PNPLA7: variants seen among roughly 807,000 people sequenced by gnomAD.
The protein encoded by PNPLA7 is patatin-like phospholipase domain-containing protein 7.
Under a neutral mutation model 161.7 loss-of-function variants are expected in PNPLA7, and 153 were observed. The ratio of observed to expected loss-of-function variants is 0.95; its 90% CI spans 0.83 to 1.08. The LOEUF is 1.08. Among genes scored for constraint, PNPLA7 ranks in the 50% least tolerant of loss-of-function variants. The pLI, the probability that PNPLA7 is intolerant of heterozygous loss-of-function variation, is 0.00. For synonymous variants in PNPLA7, 809 were observed against 782.1 expected (o/e 1.03, Z -0.57); for missense variants, 1,739 against 1,856.6 (o/e 0.94, Z 1.16).
At position 137,522,875 on chromosome 9, in the gene PNPLA7, T is replaced by G. The variant is rs201362193; in HGVS notation, c.748-18A>C. 2.0e-4 allele frequency: 319 copies of G among 1,612,318 alleles called. 1 individual carries two copies. The African/African-American group carries it at 3.5e-3, about 18-fold the overall frequency. The stretch of plus-strand genomic sequence containing the variant: ...GCATGGCCCTGTAACAACAGCTCCA[T>G]CAGTCCCCACTCTGTGGGCCTGGCC... On this transcript the variant is annotated intron_variant, in intron 8 of 34. Transcript: ENST00000406427.
intron 25 of PNPLA7, 71 bp downstream of exon 25, chr9:137,477,963 T>C: frequency 8.3e-7 from 1 of 1,208,836 alleles, no homozygotes; most frequent in South Asian, 3.2e-5. Context: ...ACCCAGCACC[T>C]CCTAGCACCC....
rs917435160 is a variant in PNPLA7 at position 137,463,568 on chromosome 9, G to A, written c.3227-37C>T. On this transcript the variant is annotated intron_variant, in intron 28 of 34. Coordinates refer to ENST00000406427, the MANE Select transcript of PNPLA7 (RefSeq NM_001098537.3). ...GCCCGGAGCTGCTGGTTACCCGGAG[G>A]AGGCTCCTCCTGGGTCCAGGGTTCA... is the stretch of plus-strand genomic sequence containing the variant. 6 of 1,487,142 alleles carry A rather than the reference G, an allele frequency of 4.0e-6. No individual in the cohort carries two copies. In the South Asian group the frequency reaches 7.2e-5, roughly 18 times the overall value. The allele number at this position is 1,487,142 out of a possible 1,614,324, so 92.1% of individuals were successfully genotyped here. A position where few individuals can be genotyped will look rare whatever the true frequency, so the allele number is the denominator to read the frequency against.
At chr9:137,489,264 CT>C (rs1832654606) in intron 20 of PNPLA7, among the ~76,000 whole-genome samples, 2 of 152,244 alleles carry the variant, frequency 1.3e-5, no homozygotes, top group South Asian at 4.1e-4. Flanking sequence ...CACACTGGGC[CT>C]GGGCAGCACC....
At position 137,546,850 on chromosome 9, in the gene PNPLA7, C is replaced by T. The variant is rs149161294; in HGVS notation, c.253G>A (p.Gly85Ser). Reference sequence around the variant, plus strand: ...GCTACCTTCCTCATGATCTTCCGGCCGTAAAACATCACTTTGTCTCTCTTC... The same window carrying T: ...GCTACCTTCCTCATGATCTTCCGGCTGTAAAACATCACTTTGTCTCTCTTC... ...FRKRDKVMFY[G>S]RKIMRKVTTL... Residue 85 changes from glycine (G) to serine (S), a missense_variant, in exon 4 of 35, where the codon GGC becomes AGC. Transcript: ENST00000406427. 2.4e-5 allele frequency: 39 copies of T among 1,613,782 alleles called. No individual in the cohort carries two copies. The highest frequency in any genetic ancestry group is 1.6e-4 in the East Asian group (7 of 44,890).
At chr9:137,501,889 T>G (rs1299669037) in intron 14 of PNPLA7, among the ~76,000 whole-genome samples, 162 bp from the exon 15 acceptor site, 7 of 152,318 alleles carry the variant, frequency 4.6e-5, no homozygotes, top group African/African-American at 1.7e-4. Context: ...TGATGGACAC[T>G]GGGCACCCTG....
chr9:137,492,251 A>C, intron 20 of PNPLA7: 1 of 985,254 alleles, frequency 1.0e-6, no homozygotes, highest in Non-Finnish European at 1.2e-6. Flanking sequence ...TTCCATGCTG[A>C]GCACAGGAGA....
chr9:137,523,857 C>T lies in PNPLA7; in HGVS notation c.748-1000G>A, dbSNP rs1375973912. Among the ~76,000 whole-genome samples the T allele has an allele frequency of 6.6e-6, 1 of 152,168 alleles. No homozygotes were observed. The highest frequency in any genetic ancestry group is 1.5e-5 in the Non-Finnish European group (1 of 68,038). On this transcript the variant is annotated intron_variant, in intron 8 of 34. Transcript: ENST00000406427. This position sits in a 1 kb window ranked among gnomAD's most constrained non-coding sequence, Gnocchi z 4.4. The stretch of plus-strand genomic sequence containing the variant: ...GTGTTAGCCAGGAGGGTCTCGATCT[C>T]CTGACCTCGTGATCCGCCCACCTCG...
chr9:137,546,567 C>A (rs997389088), intron 4 of PNPLA7, among the ~76,000 whole-genome samples: 1 of 152,210 alleles, frequency 6.6e-6, no homozygotes, highest in Non-Finnish European at 1.5e-5. Context: ...CCCCTCCAGG[C>A]CAGGGGGAGT....
intron 34 of PNPLA7, 72 bp from the exon 35 acceptor site, chr9:137,460,548 G>A: frequency 1.9e-6 from 3 of 1,598,394 alleles, no homozygotes; most frequent in Non-Finnish European, 2.6e-6. Context: ...TAACCCGGTG[G>A]GACCACAGGG....
In PNPLA7 at chr9:137,461,953, G is replaced by C. The variant is rs758641350; in HGVS notation, c.3734C>G (p.Pro1245Arg). The C allele has an allele frequency of 1.4e-5, 22 of 1,588,342 alleles. No individual in the cohort carries two copies. Among genetic ancestry groups the C allele is most frequent in the South Asian group, 5.7e-5 (5 of 87,748 alleles). Residue 1245 changes from proline to arginine, a missense_variant, in exon 32 of 35, where the codon CCG becomes CGG. Pro to Arg is a moderately radical substitution (Grantham distance 103, BLOSUM62 -2). Transcript: ENST00000406427. ...CACCGCACTCGCGGGCTTCTTGCTC[G>C]GCCCCTGCTGGTCGCGGAGCATCTT... The part of the protein sequence containing the change: ...LEKMLRDQQG[P>R]SKKPASAVLT...
chr9:137,522,366 G>A (rs921404098), intron 9 of PNPLA7, among the ~76,000 whole-genome samples: 14 of 145,162 alleles, frequency 9.6e-5, no homozygotes, highest in Non-Finnish European at 1.8e-4. Context: ...GAGCCGCCGC[G>A]CCCGGCCAAG....
rs1247384966 is a variant in PNPLA7, at chr9:137,506,083, C to T, written c.1226G>A (p.Gly409Glu). The T allele has an allele frequency of 1.2e-6, 2 of 1,610,486 alleles. No homozygotes were observed. Among genetic ancestry groups the T allele is most frequent in the African/African-American group, 2.7e-5 (2 of 74,836 alleles). Reference protein sequence around the residue: ...AGDPDPSAPQGGPGSATSDLG... With the variant: ...AGDPDPSAPQEGPGSATSDLG... ...ATCAGAAGTGGCACTGCCTGGGCCC[C>T]CTACACACAGAGGGGACACTCAGGA... Residue 409 changes from glycine to glutamate, a missense_variant and splice_region_variant, in exon 13 of 35, where the codon GGG becomes GAG. By Grantham distance (98) the Gly-to-Glu change is moderately conservative. This residue lies in a region of PNPLA7 where 481 missense variants were observed against 450.0 expected (regional missense o/e 1.07). Coordinates refer to ENST00000406427, the MANE Select transcript of PNPLA7 (RefSeq NM_001098537.3).
At chr9:137,497,752 C>T (rs139137063) in intron 17 of PNPLA7, among the ~76,000 whole-genome samples, 247 of 152,378 alleles carry the variant, frequency 1.6e-3, no homozygotes, top group South Asian at 4.1e-3. Flanking sequence ...TGGTCTCAAA[C>T]TCCTGACCTT....
Position 137,530,210 on chromosome 9 carries a change from C to G in PNPLA7, c.748-7353G>C, listed in dbSNP as rs974419359. Among the ~76,000 whole-genome samples, 5 of 152,144 alleles carry G rather than the reference C, an allele frequency of 3.3e-5. No homozygotes were observed. The East Asian group carries it at 9.6e-4, about 29-fold the overall frequency. ...TTGATCTCTTGACCTTGTGATCTGC[C>G]CGCCTCGGCCTCCCAAAGTGTTGGG... On this transcript the variant is annotated intron_variant, in intron 8 of 34. Coordinates refer to ENST00000406427, the MANE Select transcript of PNPLA7 (RefSeq NM_001098537.3).
In PNPLA7 at chr9:137,524,289, G is replaced by A. The variant is rs1269569122; in HGVS notation, c.748-1432C>T. 6.6e-6 allele frequency among the ~76,000 whole-genome samples: 1 copy of A among 152,136 alleles called. No individual in the cohort carries two copies. The highest frequency in any genetic ancestry group is 2.4e-5 in the African/African-American group (1 of 41,446). Reference sequence around the variant, plus strand: ...CAGAGGTCTCTGCCTTGACTCCCAAGTGCTGGCTGTCTCGTGGAGGCCTCG... The same window carrying A: ...CAGAGGTCTCTGCCTTGACTCCCAAATGCTGGCTGTCTCGTGGAGGCCTCG... On this transcript the variant is annotated intron_variant, in intron 8 of 34. Coordinates refer to ENST00000406427, the MANE Select transcript of PNPLA7 (RefSeq NM_001098537.3). The surrounding 1 kb of genome is among the most constrained non-coding windows in gnomAD (Gnocchi z 4.4).
chr9:137,506,440 G>A (rs909499185), intron 12 of PNPLA7, among the ~76,000 whole-genome samples: 5 of 152,136 alleles, frequency 3.3e-5, no homozygotes, highest in Admixed American at 2.0e-4. Context: ...GGCTCGCTGC[G>A]GCCAACCCTG....
chr9:137,506,136 C>A, intron 12 of PNPLA7, 53 bp from the exon 13 acceptor site: 1 of 1,488,116 alleles, frequency 6.7e-7, no homozygotes, highest in Non-Finnish European at 9.2e-7. Flanking sequence ...CTGACACAAA[C>A]GTCCGCGGTG....
chr9:137,548,137 C>G (rs1836641655), intron 1 of PNPLA7, among the ~76,000 whole-genome samples: 1 of 152,204 alleles, frequency 6.6e-6, no homozygotes, highest in African/African-American at 2.4e-5. Flanking sequence ...TCTCCTGGAG[C>G]AGCAGGACTT....
Position 137,479,165 on chromosome 9 carries a change from G to A in PNPLA7, c.2654C>T (p.Pro885Leu), listed in dbSNP as rs762644416. ...QLILLHREEGPAPARTVEWLN... is the reference protein window; with the variant it reads ...QLILLHREEGLAPARTVEWLN... ...CCACTCCACGGTGCGCGCTGGCGCC[G>A]GGCCCTCCTCCCTGTGCAGCAGGAT... is the stretch of plus-strand genomic sequence containing the variant. Residue 885 changes from proline to leucine, a missense_variant, in exon 24 of 35, where the codon CCG becomes CTG. Coordinates refer to ENST00000406427, the MANE Select transcript of PNPLA7 (RefSeq NM_001098537.3). 1.2e-5 allele frequency: 19 copies of A among 1,570,854 alleles called. No individual in the cohort carries two copies. Among genetic ancestry groups the A allele is most frequent in the African/African-American group, 5.4e-5 (4 of 74,036 alleles).
Sources: gnomAD v4.1 joint callset for allele counts (sites outside exome capture counted in the v4.1 genomes callset) on GRCh38, gnomAD v4.1.1 for gene constraint, gnomAD v4.1.1 regional missense constraint, Gnocchi (gnomAD v3.1) non-coding constraint, MANE v1.5 for transcripts, NCBI Gene and HGNC (gene_info 2026-07-23, HGNC 2026-07-21) for gene names.